The following ARFRP1 variants were observed in gnomAD, a reference collection of about 807,000 sequenced individuals.
ARFRP1 encodes the protein ARF related protein 1.
Under a neutral mutation model 30.3 loss-of-function variants are expected in ARFRP1, and 19 were observed. The ratio of observed to expected loss-of-function variants is 0.63; its 90% CI spans 0.44 to 0.92. ARFRP1 has a LOEUF of 0.92. Among genes scored for constraint, ARFRP1 ranks in the 40% least tolerant of loss-of-function variants. The pLI, the probability that ARFRP1 is intolerant of heterozygous loss-of-function variation, is 0.00. For missense variants in ARFRP1, 245 were observed against 267.5 expected, an observed-to-expected ratio of 0.92 and a Z score of 0.59; for synonymous variants, 133 against 114.2, an observed-to-expected ratio of 1.16 and a Z score of -1.05.
rs566995899 is a variant in ARFRP1 at position 63,700,757 on chromosome 20, G to T, written c.418-55C>A. 2.1e-5 allele frequency: 33 copies of T among 1,586,040 alleles called. No homozygotes were observed. The African/African-American group carries it at 2.9e-4, about 14-fold the overall frequency. ...CCCCACGTCTGGCCCTGTCCTGCCT[G>T]TGGGCCCGGGACTCTCAGAAGGGCG... On this transcript the variant is annotated intron_variant, in intron 6 of 7. Transcript: ENST00000622789.
chr20:63,706,589 G>T, intron 3 of ARFRP1, 62 bp downstream of exon 3: 1 of 1,532,224 alleles, frequency 6.5e-7, no homozygotes, highest in Non-Finnish European at 9.0e-7. Context: ...GGGCCAGCTG[G>T]ACTGTGAATA....
intron 4 of ARFRP1, chr20:63,704,209 A>G (rs1364224458): frequency 5.0e-5 from 1 of 20,110 alleles, no homozygotes; most frequent in Non-Finnish European, 9.3e-5. Flanking sequence ...GATGCAGGAT[A>G]CAGGAAACCA....
chr20:63,705,953 G>A (rs910886480), intron 4 of ARFRP1: 22 of 347,576 alleles, frequency 6.3e-5, no homozygotes, highest in Non-Finnish European at 1.1e-4. Flanking sequence ...ACTAGCCCCA[G>A]CCCTGAACCC....
chr20:63,701,618 C>G (rs143397135), intron 6 of ARFRP1: 7 of 600,764 alleles, frequency 1.2e-5, no homozygotes, highest in African/African-American at 1.1e-4. Flanking sequence ...GGCGCCTGCC[C>G]TGAGGTGGGA....
intron 4 of ARFRP1, chr20:63,704,384 A>T (rs1486930710): frequency 2.0e-5 from 3 of 152,294 alleles, no homozygotes; most frequent in Admixed American, 1.3e-4. Flanking sequence ...CCTCATGGGC[A>T]TGACTTGCAC....
chr20:63,701,970 C>T (rs1261607776), intron 5 of ARFRP1, 70 bp from the exon 6 acceptor site: 18 of 1,240,500 alleles, frequency 1.5e-5, no homozygotes, highest in South Asian at 3.9e-5. Context: ...GGCCCACAGG[C>T]GTGGACACTG....
At position 63,706,416 on chromosome 20, in the gene ARFRP1, C is replaced by A; in HGVS notation, c.205G>T (p.Ala69Ser). 6.2e-7 allele frequency: 1 copy of A among 1,613,416 alleles called. No homozygotes were observed. Among genetic ancestry groups the A allele is most frequent in the Non-Finnish European group, 8.5e-7 (1 of 1,180,014 alleles). ...CCTAAGTCCCAGAACATGAGCCGAGCCTTTCCCACATCCACAGTGCCGACT... is the reference window on the plus strand; with the variant it reads ...CCTAAGTCCCAGAACATGAGCCGAGACTTTCCCACATCCACAGTGCCGACT... The part of the protein sequence containing the change: ...LNIGTVDVGK[A>S]RLMFWDLGGQ... Residue 69 changes from alanine to serine, a missense_variant, in exon 4 of 8, where the codon GCT becomes TCT. Transcript: ENST00000622789.
intron 4 of ARFRP1, chr20:63,705,146 G>A (rs569940002): frequency 2.3e-4 from 36 of 153,388 alleles, no homozygotes; most frequent in South Asian, 6.1e-4. Context: ...AGCATGCTGC[G>A]CACTGGACAC....
intron 4 of ARFRP1, chr20:63,705,985 A>G (rs1434472371): frequency 2.8e-6 from 1 of 351,328 alleles, no homozygotes; most frequent in African/African-American, 2.1e-5. Context: ...GGCTTCAGGC[A>G]TGACCAGTGA....
chr20:63,705,585 T>G, intron 4 of ARFRP1: 1 of 505,328 alleles, frequency 2.0e-6, no homozygotes, highest in Non-Finnish European at 4.1e-6. Flanking sequence ...CCCTGAGGAG[T>G]CTTCTGGTGA....
chr20:63,707,739 A>T (rs1210711065), intron 1 of ARFRP1, 128 bp downstream of exon 1: 1 of 152,142 alleles, frequency 6.6e-6, no homozygotes, highest in Non-Finnish European at 1.5e-5. Context: ...GTCCGCCCCA[A>T]GCCGCCGCCG....
At position 63,701,891 on chromosome 20, in the gene ARFRP1, A is replaced by T; in HGVS notation, c.356T>A (p.Val119Glu). ...AESKQAFEKV[V>E]TSEALCGVPV... ...GACACCGCACAGCGCCTCGCTGGTC[A>T]CCACCTTCTCTGGGGAGGGCAGGAG... The change falls in exon 6 of 8, where the codon GTG becomes GAG. Residue 119 changes from valine (V) to glutamate (E), a missense_variant. Val to Glu is a moderately radical substitution (Grantham distance 121, BLOSUM62 -2). Coordinates refer to ENST00000622789, the MANE Select transcript of ARFRP1 (RefSeq NM_001267547.3). The T allele has an allele frequency of 6.5e-7, 1 of 1,547,824 alleles. No homozygotes were observed. Among genetic ancestry groups the T allele is most frequent in the Non-Finnish European group, 8.7e-7 (1 of 1,146,714 alleles).
chr20:63,707,075 G>C lies in ARFRP1; in HGVS notation c.17C>G (p.Ser6Trp), dbSNP rs1342911475. 6.2e-7 allele frequency: 1 copy of C among 1,613,034 alleles called. No homozygotes were observed. The highest frequency in any genetic ancestry group is 1.7e-5 in the Admixed American group (1 of 59,934). The change falls in exon 2 of 8, where the codon TCG becomes TGG. Residue 6 changes from serine (S) to tryptophan (W), a missense_variant. Coordinates refer to ENST00000622789, the MANE Select transcript of ARFRP1 (RefSeq NM_001267547.3). ...CTGAAACATGTACTTGTACAAGCCC[G>C]ACAGCAGCGTGTACATCCTGCCCTG... is the stretch of plus-strand genomic sequence containing the variant. The part of the protein sequence containing the change: MYTLL[S>W]GLYKYMFQKD...
chr20:63,701,999 C>CA, intron 5 of ARFRP1, 99 bp from the exon 6 acceptor site: 1 of 46,822 alleles, frequency 2.1e-5, no homozygotes, highest in East Asian at 2.5e-3. Flanking sequence ...ACTCCCTCTG[C>CA]CCCCCCCCCC....
chr20:63,700,588 C>T lies in ARFRP1; in HGVS notation c.518+14G>A, dbSNP rs367804866. 25 of 1,610,328 alleles carry T rather than the reference C, an allele frequency of 1.6e-5. No individual in the cohort carries two copies. The highest frequency in any genetic ancestry group is 2.0e-5 in the Non-Finnish European group (24 of 1,179,874). On this transcript the variant is annotated intron_variant, in intron 7 of 7. Coordinates refer to ENST00000622789, the MANE Select transcript of ARFRP1 (RefSeq NM_001267547.3). ...TCGGTCCCCAAAGCCCCCGCAGGTG[C>T]AGCCCCCACTCACCCTGTGAGGGCC...
chr20:63,706,268 A>G, intron 4 of ARFRP1, 89 bp downstream of exon 4: 5 of 1,223,638 alleles, frequency 4.1e-6, no homozygotes, highest in Non-Finnish European at 6.0e-6. Context: ...TGGGTAAGGA[A>G]AACTGCTGAG....
At chr20:63,702,054 C>A in intron 5 of ARFRP1, 82 bp downstream of exon 5, 1 of 1,415,978 alleles carries the variant, frequency 7.1e-7, no homozygotes, top group Non-Finnish European at 9.8e-7. Context: ...GACACTGAGC[C>A]TGCCCCAGGC....
rs200743168 is a variant in ARFRP1, at chr20:63,700,653, C to T, written c.467G>A (p.Ser156Asn). The T allele has an allele frequency of 6.2e-7, 1 of 1,610,990 alleles. No homozygotes were observed. Among genetic ancestry groups the T allele is most frequent in the East Asian group, 2.2e-5 (1 of 44,862 alleles). ...DIKTAFSDCTSKIGRRDCLTQ... is the reference protein window; with the variant it reads ...DIKTAFSDCTNKIGRRDCLTQ... ...CAGGCAATCTCGCCTGCCGATCTTG[C>T]TGGTGCAGTCGCTGAAGGCCGTCTT... The change falls in exon 7 of 8, where the codon AGC becomes AAC. Residue 156 changes from serine (S) to asparagine (N), a missense_variant. Physicochemically the swap from Ser to Asn is conservative, Grantham distance 46 (BLOSUM62 1). Coordinates refer to ENST00000622789, the MANE Select transcript of ARFRP1 (RefSeq NM_001267547.3).
In ARFRP1 at chr20:63,706,025, G is replaced by C. The variant is rs559662896; in HGVS notation, c.264+332C>G. ...GCCCTTCTCTCACTGGTCACCTGAG[G>C]ATGCCGCACTCTGTCAACAGGTTCC... On this transcript the variant is annotated intron_variant, in intron 4 of 7. Transcript: ENST00000622789. 27 of 361,704 alleles carry C rather than the reference G, an allele frequency of 7.5e-5. No homozygotes were observed. In the Admixed American group the frequency reaches 1.0e-3, roughly 14 times the overall value. 22.4% of individuals were successfully genotyped at this position (361,704 alleles called of 1,614,324 possible). A position where few individuals can be genotyped will look rare whatever the true frequency, so the allele number is the denominator to read the frequency against.
Sources: allele counts gnomAD v4.1 joint callset, GRCh38; gene constraint gnomAD v4.1.1; transcripts MANE v1.5; gene names NCBI Gene and HGNC (gene_info 2026-07-23, HGNC 2026-07-21).